Variants in CYREN observed in about 807,000 individuals in gnomAD.
CYREN encodes cell cycle regulator of NHEJ.
A neutral mutation model predicts 9.7 loss-of-function variants in CYREN; 7 were observed. The observed-to-expected ratio is 0.72, with a 90% CI of 0.41 to 1.36. The LOEUF is 1.36. Among genes scored for constraint, CYREN ranks in the 40% most tolerant of loss-of-function variants. The probability of loss-of-function intolerance (pLI) is 0.01; values close to 1 mark genes in which losing one functional copy is unlikely to be tolerated. For missense variants in CYREN, 215 were observed against 198.1 expected, an observed-to-expected ratio of 1.09 and a Z score of -0.51; for synonymous variants, 76 against 77.9, an observed-to-expected ratio of 0.98 and a Z score of 0.13.
chr7:135,134,076 G>A (rs1829151910), intron 2 of CYREN, among the ~76,000 whole-genome samples: 1 of 152,094 alleles, frequency 6.6e-6, no homozygotes, highest in South Asian at 2.1e-4. Flanking sequence ...TTAAGGAGGG[G>A]ATGGGAAAGG....
At chr7:135,103,707 G>C (rs1824213478) in intron 2 of CYREN, among the ~76,000 whole-genome samples, 1 of 152,154 alleles carries the variant, frequency 6.6e-6, no homozygotes, top group Non-Finnish European at 1.5e-5. Flanking sequence ...CTGAAAGTTG[G>C]AATCTGGACA....
At chr7:135,135,298 G>A (rs1829295000) in intron 2 of CYREN, 1 of 1,434,318 alleles carries the variant, frequency 7.0e-7, no homozygotes, top group Admixed American at 2.8e-5. Context: ...GTGAATGAAG[G>A]ATAACATATG....
Position 135,151,939 on chromosome 7 carries a change from C to T in CYREN, n.356+16810G>A, listed in dbSNP as rs1252448021. ...ATGAGACCAGCTTCCTAGAGTTCAT[C>T]TCTGGGAATGAACCCTGGCACTATT... On this transcript the variant is annotated intron_variant and non_coding_transcript_variant, in intron 2 of 2. Transcript: ENST00000459937. This position sits in a 1 kb window ranked among gnomAD's most constrained non-coding sequence, Gnocchi z 4.3. 6.6e-6 allele frequency among the ~76,000 whole-genome samples: 1 copy of T among 152,168 alleles called. No individual in the cohort carries two copies. Among genetic ancestry groups the T allele is most frequent in the Non-Finnish European group, 1.5e-5 (1 of 68,022 alleles).
chr7:135,147,149 G>C (rs73153782), intron 2 of CYREN, among the ~76,000 whole-genome samples: 7,733 of 152,248 alleles, frequency 0.051, 277 homozygotes, highest in Middle Eastern at 0.18. Context: ...ACCATGCAAA[G>C]TAGGTACTGT....
intron 2 of CYREN, among the ~76,000 whole-genome samples, chr7:135,143,416 G>A (rs1321810318): frequency 2.0e-5 from 3 of 152,092 alleles, no homozygotes; most frequent in African/African-American, 7.2e-5. Context: ...TCCACATACT[G>A]CAAAAACAAA....
At chr7:135,092,964 C>CA (rs1177198740) in exon 3 of CYREN, 2 of 151,132 alleles carry the variant, frequency 1.3e-5, no homozygotes, top group Non-Finnish European at 3.0e-5. Flanking sequence ...AAGTATCTGG[C>CA]AAAATCCAAC....
intron 2 of CYREN, among the ~76,000 whole-genome samples, chr7:135,147,121 T>G (rs1194908412): frequency 7.2e-5 from 11 of 152,178 alleles, no homozygotes; most frequent in Non-Finnish European, 2.9e-5. Flanking sequence ...ACTTATATTA[T>G]CTCCAGTCCC....
rs530097041 is a variant in CYREN at position 135,166,443 on chromosome 7, G to A, written c.*168C>T. On this transcript the variant is annotated 3_prime_UTR_variant, in exon 4 of 4. Transcript: ENST00000393114. ...CTCAGAACGGCAGCCCCAAGGCCCG[G>A]AGTGTCCAGGGGCTTCTGGCCTGAG... is the stretch of plus-strand genomic sequence containing the variant. The A allele has an allele frequency of 6.5e-6, 7 of 1,080,948 alleles. No individual in the cohort carries two copies. In the African/African-American group the frequency reaches 7.9e-5, roughly 12 times the overall value. The allele number at this position is 1,080,948 out of a possible 1,614,324, so 67.0% of individuals were successfully genotyped here. A position where few individuals can be genotyped will look rare whatever the true frequency, so the allele number is the denominator to read the frequency against.
chr7:135,163,993 C>G (rs1459744077), downstream of CYREN, among the ~76,000 whole-genome samples: 2 of 152,244 alleles, frequency 1.3e-5, no homozygotes, highest in Non-Finnish European at 2.9e-5. Context: ...GTGGTGAAAA[C>G]CAATAGCTTC....
At chr7:135,165,098 A>G (rs1046374424), downstream of CYREN, 3 of 1,412,584 alleles carry the variant, frequency 2.1e-6, no homozygotes, top group African/African-American at 4.3e-5. Flanking sequence ...CTCCAGCTCC[A>G]GCGATGGAAC....
downstream of CYREN, among the ~76,000 whole-genome samples, chr7:135,163,487 A>G (rs1830000997): frequency 6.6e-6 from 1 of 152,124 alleles, no homozygotes; most frequent in South Asian, 2.1e-4. Flanking sequence ...TCTACCAAAA[A>G]TACAAAAATT....
At chr7:135,170,973 G>C (rs76510925), upstream of CYREN, among the ~76,000 whole-genome samples, 70,591 of 151,954 alleles carry the variant, frequency 0.46, 17,028 homozygotes, top group South Asian at 0.62. Context: ...TTCAATTCTT[G>C]GCCCCTGAAG....
chr7:135,139,241 A>G (rs1829409199), intron 2 of CYREN, among the ~76,000 whole-genome samples: 1 of 151,444 alleles, frequency 6.6e-6, no homozygotes, highest in Admixed American at 6.6e-5. Context: ...TTCCTCTGCA[A>G]CCTCACTAGT....
intron 2 of CYREN, among the ~76,000 whole-genome samples, chr7:135,096,742 T>TGAAAGAAAGAAAGAAA (rs3038284): frequency 0.025 from 2,508 of 101,132 alleles, 51 homozygotes; most frequent in East Asian, 0.037. Context: ...AGAGAAAGAA[T>TGAAAGAAAGAAAGAAA]GAAAGAAAGA....
chr7:135,104,442 C>T (rs762118650), intron 2 of CYREN, among the ~76,000 whole-genome samples: 46 of 152,132 alleles, frequency 3.0e-4, no homozygotes, highest in Admixed American at 7.2e-4. Context: ...TGGATATATA[C>T]CCAGTAATAG....
At chr7:135,164,718 C>T (rs370654776), downstream of CYREN, 6 of 1,614,126 alleles carry the variant, frequency 3.7e-6, no homozygotes, top group Admixed American at 6.7e-5. Flanking sequence ...GTCCCTGGTC[C>T]TCACCCTCTT....
At chr7:135,148,205 C>T (rs889577539) in intron 2 of CYREN, 11 of 427,852 alleles carry the variant, frequency 2.6e-5, no homozygotes, top group Admixed American at 9.1e-5. Flanking sequence ...AAGATTCAAA[C>T]AACCAACCCT....
chr7:135,164,835 G>T (rs772909323), downstream of CYREN: 1 of 1,613,938 alleles, frequency 6.2e-7, no homozygotes, highest in Non-Finnish European at 8.5e-7. Flanking sequence ...AGGCGGCCTG[G>T]GCCTCTTCCT....
intron 2 of CYREN, among the ~76,000 whole-genome samples, chr7:135,116,870 A>G (rs916554421): frequency 1.3e-5 from 2 of 152,014 alleles, no homozygotes; most frequent in Non-Finnish European, 2.9e-5. Context: ...AGTACAGGCT[A>G]TTGTTGAGAG....
Sources: gnomAD v4.1 joint callset for allele counts (sites outside exome capture counted in the v4.1 genomes callset) on GRCh38, gnomAD v4.1.1 for gene constraint, Gnocchi (gnomAD v3.1) non-coding constraint, MANE v1.5 for transcripts, NCBI Gene and HGNC (gene_info 2026-07-23, HGNC 2026-07-21) for gene names.